DGKD: variants seen among roughly 807,000 people sequenced by gnomAD.
DGKD encodes DAG kinase delta.
Under a neutral mutation model 154.4 loss-of-function variants are expected in DGKD, and 68 were observed. The ratio of observed to expected loss-of-function variants is 0.44; its 90% CI spans 0.36 to 0.54. DGKD has a LOEUF of 0.54. Among genes scored for constraint, DGKD ranks in the 20% least tolerant of loss-of-function variants. DGKD has a pLI of 0.00. For missense variants in DGKD, 1,343 were observed against 1,593.6 expected, an observed-to-expected ratio of 0.84 and a Z score of 2.68; for synonymous variants, 693 against 638.0, an observed-to-expected ratio of 1.09 and a Z score of -1.30.
At position 233,449,206 on chromosome 2, in the gene DGKD, A is replaced by G; in HGVS notation, c.1718A>G (p.Glu573Gly). ...LPNPPPTIAE[E>G]AEDGDGSGSI... ...AACCCGCCCCCCACCATTGCCGAGG[A>G]GGCTGAAGATGGAGATGGGTCGGGC... The change falls in exon 15 of 30, where the codon GAG becomes GGG. Residue 573 changes from glutamate (E) to glycine (G), a missense_variant. Physicochemically the swap from Glu to Gly is moderately conservative, Grantham distance 98. Around this residue, in one of 6 missense-constraint regions of DGKD, gnomAD observed 409 missense variants for 446.0 expected, o/e 0.92. Coordinates refer to ENST00000264057, the MANE Select transcript of DGKD (RefSeq NM_152879.3). This position sits in a 1 kb window ranked among gnomAD's most constrained non-coding sequence, Gnocchi z 5.3. The G allele has an allele frequency of 6.2e-7, 1 of 1,613,760 alleles. No homozygotes were observed. Among genetic ancestry groups the G allele is most frequent in the Non-Finnish European group, 8.5e-7 (1 of 1,179,824 alleles).
At chr2:233,396,058 G>A (rs1405365585) in intron 3 of DGKD, among the ~76,000 whole-genome samples, 1 of 152,224 alleles carries the variant, frequency 6.6e-6, no homozygotes, top group Non-Finnish European at 1.5e-5. Flanking sequence ...TTTCCAGAAA[G>A]GAATCAAATA....
Position 233,440,395 on chromosome 2 carries a change from G to C in DGKD, c.1086-1492G>C, listed in dbSNP as rs542997307. ...CACTGAGCTCGAGGCAGGGTGCGCA[G>C]GTGAGCCAGGCGGGGAGTGCAGATG... On this transcript the variant is annotated intron_variant, in intron 9 of 29. Transcript: ENST00000264057. The surrounding 1 kb of genome is among the most constrained non-coding windows in gnomAD (Gnocchi z 4.9). Among the ~76,000 whole-genome samples the C allele has an allele frequency of 6.6e-6, 1 of 152,338 alleles. No individual in the cohort carries two copies. Among genetic ancestry groups the C allele is most frequent in the Non-Finnish European group, 1.5e-5 (1 of 68,020 alleles).
intron 3 of DGKD, among the ~76,000 whole-genome samples, chr2:233,403,231 G>A (rs1036810488): frequency 2.6e-5 from 4 of 152,176 alleles, no homozygotes; most frequent in African/African-American, 7.2e-5. Flanking sequence ...TAAAGTGTTT[G>A]AATCTTAGTA....
Position 233,429,225 on chromosome 2 carries a change from TA to T in DGKD, c.349-5151del, listed in dbSNP as rs1430998240. 4.1e-6 allele frequency: 4 copies of T among 985,314 alleles called. No individual in the cohort carries two copies. In the African/African-American group the frequency reaches 7.0e-5, roughly 17 times the overall value. The allele number at this position is 985,314 out of a possible 1,614,324, so 61.0% of individuals were successfully genotyped here. On this transcript the variant is annotated intron_variant, in intron 3 of 29. Transcript: ENST00000264057. ...CCGTGGGAGTAGTAGACTCAGGACCTAAAACATCTCCTTGTTGTCTTCTATA... is the reference window on the plus strand; with the variant it reads ...CCGTGGGAGTAGTAGACTCAGGACCTAAACATCTCCTTGTTGTCTTCTATA...
Position 233,467,130 on chromosome 2 carries a change from C to T in DGKD, c.3351C>T (p.Phe1117=). Residue 1117 remains phenylalanine (F), a synonymous_variant, in exon 28 of 30, where the codon TTC becomes TTT. Transcript: ENST00000264057. ...DLAKRSRSGK[F]RLVTKFKKEK... is the part of the protein sequence containing the mutation. ...CCAAGCGCAGTCGCAGTGGTAAATT[C>T]CGCCTCGTGACCAAGTTTAAAAAGG... is the stretch of plus-strand genomic sequence containing the variant. 1 of 1,614,222 alleles carries T rather than the reference C, an allele frequency of 6.2e-7. No homozygotes were observed. The highest frequency in any genetic ancestry group is 8.5e-7 in the Non-Finnish European group (1 of 1,180,026).
At chr2:233,423,805 C>T (rs774616802) in intron 3 of DGKD, among the ~76,000 whole-genome samples, 9 of 152,046 alleles carry the variant, frequency 5.9e-5, no homozygotes, top group Non-Finnish European at 8.8e-5. Flanking sequence ...TGGGGCTTTC[C>T]ACCCACCCCC....
chr2:233,412,332 T>C (rs1487718041), intron 3 of DGKD, among the ~76,000 whole-genome samples: 1 of 152,222 alleles, frequency 6.6e-6, no homozygotes, highest in Non-Finnish European at 1.5e-5. Context: ...TAGATGTCTT[T>C]AACGTCTTTT....
intron 10 of DGKD, among the ~76,000 whole-genome samples, chr2:233,444,852 G>T (rs1204779874): frequency 8.8e-6 from 1 of 113,426 alleles, no homozygotes; most frequent in African/African-American, 3.6e-5. Flanking sequence ...CTCAAGGACA[G>T]TAACGCCTCC....
In DGKD at chr2:233,437,434, G is replaced by C. The variant is rs1425238771; in HGVS notation, c.877G>C (p.Val293Leu). 1.2e-6 allele frequency: 2 copies of C among 1,614,250 alleles called. No individual in the cohort carries two copies. The highest frequency in any genetic ancestry group is 2.2e-5 in the South Asian group (2 of 91,076). Residue 293 changes from valine to leucine, a missense_variant, in exon 8 of 30, where the codon GTG becomes CTG. Physicochemically the swap from Val to Leu is conservative, Grantham distance 32 (BLOSUM62 1). This residue lies in a region of DGKD where 332 missense variants were observed against 400.1 expected (regional missense o/e 0.83). Transcript: ENST00000264057. ...LTKCPLGLCK[V>L]SVIPPTALNS... Reference sequence around the variant, plus strand: ...CAAGTGCCCACTTGGCCTGTGCAAAGTGTCAGTCATCCCACCCACGGCTCT... The same window carrying C: ...CAAGTGCCCACTTGGCCTGTGCAAACTGTCAGTCATCCCACCCACGGCTCT...
At chr2:233,425,383 T>C (rs750087411) in intron 3 of DGKD, among the ~76,000 whole-genome samples, 1 of 152,204 alleles carries the variant, frequency 6.6e-6, no homozygotes, top group Non-Finnish European at 1.5e-5. Context: ...GAGACAGGGT[T>C]TCACTGTGTT....
chr2:233,462,246 A>C (rs780716368), intron 24 of DGKD, 102 bp from the exon 25 acceptor site: 13 of 917,092 alleles, frequency 1.4e-5, no homozygotes, highest in Non-Finnish European at 2.0e-5. Flanking sequence ...TGCCCTCCAC[A>C]TCAGCCCTCC....
intron 1 of DGKD, among the ~76,000 whole-genome samples, chr2:233,387,462 C>T (rs925692454): frequency 6.6e-6 from 1 of 152,056 alleles, no homozygotes; most frequent in African/African-American, 2.4e-5. Flanking sequence ...GCTCCGAGTA[C>T]GTCAAAACAT....
intron 1 of DGKD, chr2:233,386,160 T>C (rs1703165124): frequency 1.0e-4 from 16 of 160,320 alleles, no homozygotes; most frequent in Non-Finnish European, 1.9e-4. Context: ...TGGTTTTGTC[T>C]TTTTTTTTTT....
chr2:233,446,691 C>A (rs1419773021), intron 11 of DGKD, 21 bp from the exon 12 acceptor site: 1 of 1,611,492 alleles, frequency 6.2e-7, no homozygotes, highest in South Asian at 1.1e-5. Context: ...GCCGCCTGTG[C>A]AGCTGACCTT....
chr2:233,444,766 C>T (rs1469574164), intron 10 of DGKD, among the ~76,000 whole-genome samples: 1 of 151,282 alleles, frequency 6.6e-6, no homozygotes, highest in East Asian at 2.0e-4. Flanking sequence ...GCGGCAGGGC[C>T]TCAAGCATGG....
intron 3 of DGKD, among the ~76,000 whole-genome samples, chr2:233,415,833 C>T (rs2061947514): frequency 6.6e-6 from 1 of 151,984 alleles, no homozygotes; most frequent in South Asian, 2.1e-4. Context: ...ACTGTGTTGC[C>T]CAGGCTGGTC....
intron 28 of DGKD, among the ~76,000 whole-genome samples, chr2:233,467,740 C>T (rs921421972): frequency 6.6e-6 from 1 of 152,220 alleles, no homozygotes; most frequent in African/African-American, 2.4e-5. Flanking sequence ...AATACCCAGG[C>T]CATATCCAGT....
chr2:233,467,474 C>T (rs2063860140), intron 28 of DGKD, among the ~76,000 whole-genome samples: 1 of 152,142 alleles, frequency 6.6e-6, no homozygotes, highest in African/African-American at 2.4e-5. Context: ...GGGAGGAAGA[C>T]AGCAGTAGAG....
intron 27 of DGKD, among the ~76,000 whole-genome samples, chr2:233,465,424 C>G (rs1243104588): frequency 6.6e-6 from 1 of 152,226 alleles, no homozygotes; most frequent in East Asian, 1.9e-4. Flanking sequence ...AAACAACATT[C>G]TTGACTTTCA....
Sources: allele counts gnomAD v4.1 joint callset (sites outside exome capture counted in the v4.1 genomes callset), GRCh38; gene constraint gnomAD v4.1.1; regional missense constraint gnomAD v4.1.1; non-coding constraint Gnocchi (gnomAD v3.1); transcripts MANE v1.5; gene names NCBI Gene and HGNC (gene_info 2026-07-23, HGNC 2026-07-21).